CCDC73: variants seen among roughly 807,000 people sequenced by gnomAD.
CCDC73 encodes coiled-coil domain containing 73, also known as coiled-coil domain-containing protein 73.
Under a neutral mutation model 116.5 loss-of-function variants are expected in CCDC73, and 95 were observed. That is an observed-to-expected ratio of 0.82 (90% CI 0.69 to 0.97). The LOEUF is 0.97. Ranked by LOEUF, CCDC73 falls within the 50% of genes least tolerant of loss-of-function variation. The pLI is 0.00. For synonymous variants in CCDC73, 398 were observed against 401.3 expected (o/e 0.99, Z 0.10); for missense variants, 1,066 against 1,206.8 (o/e 0.88, Z 1.73).
At position 32,698,010 on chromosome 11, in the gene CCDC73, A is replaced by ATTTTTTTTTTTTTTTTTTTTTTTTTTT. The variant is rs1849771437; in HGVS notation, c.390+1240_390+1241insAAAAAAAAAAAAAAAAAAAAAAAAAAA. Among the ~76,000 whole-genome samples, 2 of 117,758 alleles carry ATTTTTTTTTTTTTTTTTTTTTTTTTTT rather than the reference A, an allele frequency of 1.7e-5. 1 individual carries two copies. 77.3% of individuals were successfully genotyped at this position (117,758 alleles called of 152,430 possible). On this transcript the variant is annotated intron_variant, in intron 6 of 17. Transcript: ENST00000335185. Reference sequence around the variant, plus strand: ...TCTGTTGTTTCTTTGTCTAACACTGAATTTTTTTTTTTTTTTTTTTTTTTT... The same window carrying ATTTTTTTTTTTTTTTTTTTTTTTTTTT: ...TCTGTTGTTTCTTTGTCTAACACTGATTTTTTTTTTTTTTTTTTTTTTTTTTTATTTTTTTTTTTTTTTTTTTTTTTT...
At chr11:32,792,353 T>C (rs1850683915) in intron 1 of CCDC73, among the ~76,000 whole-genome samples, 1 of 152,294 alleles carries the variant, frequency 6.6e-6, no homozygotes, top group South Asian at 2.1e-4. Context: ...TATTGACTCA[T>C]GTGTAAGTAT....
At chr11:32,734,255 A>G (rs1850106360) in intron 2 of CCDC73, among the ~76,000 whole-genome samples, 2 of 152,046 alleles carry the variant, frequency 1.3e-5, no homozygotes, top group East Asian at 1.9e-4. Flanking sequence ...CCAATAACAG[A>G]TTCTGAAATT....
chr11:32,722,048 G>A (rs748320324), intron 2 of CCDC73, among the ~76,000 whole-genome samples: 2 of 152,066 alleles, frequency 1.3e-5, no homozygotes, highest in African/African-American at 4.8e-5. Flanking sequence ...GCTCACAATG[G>A]CTTATGGGAG....
intron 9 of CCDC73, among the ~76,000 whole-genome samples, chr11:32,659,477 C>T (rs1287057071): frequency 6.6e-6 from 1 of 152,114 alleles, no homozygotes; most frequent in Non-Finnish European, 1.5e-5. Context: ...TCTATCCTTA[C>T]AGAGTTTTGG....
chr11:32,711,223 A>G (rs1379842174), intron 3 of CCDC73, among the ~76,000 whole-genome samples: 1 of 152,024 alleles, frequency 6.6e-6, no homozygotes, highest in East Asian at 1.9e-4. Flanking sequence ...ACAATGGAAA[A>G]TAGTGTGGAG....
chr11:32,663,357 T>C (rs1353086026), intron 9 of CCDC73, among the ~76,000 whole-genome samples: 3 of 152,236 alleles, frequency 2.0e-5, no homozygotes, highest in Admixed American at 6.5e-5. Context: ...TTTTATTTCA[T>C]TGAGCAGTGG....
intron 6 of CCDC73, among the ~76,000 whole-genome samples, chr11:32,696,086 G>A (rs528513477): frequency 1.8e-4 from 28 of 152,108 alleles, no homozygotes; most frequent in African/African-American, 6.3e-4. Flanking sequence ...TAGTAAACTT[G>A]GACCTTTATT....
rs894124608 is a variant in CCDC73, at chr11:32,624,011, C to T, written c.1186-7882G>A. Reference sequence around the variant, plus strand: ...GGACTATAAACTGGTACAACATTTCCGGAAAGCAATCTGACAATATGTGTC... The same window carrying T: ...GGACTATAAACTGGTACAACATTTCTGGAAAGCAATCTGACAATATGTGTC... On this transcript the variant is annotated intron_variant, in intron 14 of 17. Coordinates refer to ENST00000335185, the MANE Select transcript of CCDC73 (RefSeq NM_001008391.4). Among the ~76,000 whole-genome samples, 9 of 152,058 alleles carry T rather than the reference C, an allele frequency of 5.9e-5. No homozygotes were observed. In the South Asian group the frequency reaches 8.3e-4, roughly 14 times the overall value.
intron 13 of CCDC73, among the ~76,000 whole-genome samples, chr11:32,637,833 T>G (rs914219942): frequency 1.3e-5 from 2 of 152,230 alleles, no homozygotes; most frequent in African/African-American, 4.8e-5. Flanking sequence ...TAATAAATCT[T>G]AAATCTATAT....
At chr11:32,604,398 A>G (rs959032477) in intron 17 of CCDC73, 1 of 152,222 alleles carries the variant, frequency 6.6e-6, no homozygotes, top group East Asian at 1.9e-4. Context: ...GGAGTGAGCC[A>G]TACTGTGTTG....
intron 9 of CCDC73, among the ~76,000 whole-genome samples, chr11:32,660,229 CAAAAAAAAAAAAA>C (rs11310092): frequency 8.7e-4 from 58 of 66,512 alleles, no homozygotes; most frequent in African/African-American, 3.1e-3. Flanking sequence ...TTCTCTCTAC[CAAAAAAAAAAAAA>C]AAAAAAAAAA....
chr11:32,673,974 G>A (rs1377913461), intron 9 of CCDC73, among the ~76,000 whole-genome samples: 1 of 152,130 alleles, frequency 6.6e-6, no homozygotes, highest in Non-Finnish European at 1.5e-5. Context: ...CCAGCCTGAA[G>A]TTATCTCAGA....
intron 9 of CCDC73, among the ~76,000 whole-genome samples, chr11:32,663,307 T>C (rs1415015243): frequency 3.3e-5 from 5 of 152,336 alleles, no homozygotes; most frequent in African/African-American, 9.6e-5. Flanking sequence ...ATTCTTCCTA[T>C]CCATGAGCAT....
At chr11:32,772,020 C>G (rs1850495747) in intron 1 of CCDC73, among the ~76,000 whole-genome samples, 1 of 152,140 alleles carries the variant, frequency 6.6e-6, no homozygotes, top group Admixed American at 6.6e-5. Flanking sequence ...TGGGGCTAAC[C>G]CCCACAACAA....
chr11:32,604,347 G>A (rs965506714), intron 17 of CCDC73: 1 of 152,186 alleles, frequency 6.6e-6, no homozygotes, highest in Non-Finnish European at 1.5e-5. Flanking sequence ...TTGGGCTCAA[G>A]TGATCTGACC....
intron 14 of CCDC73, among the ~76,000 whole-genome samples, chr11:32,628,299 C>G (rs1855595478): frequency 6.6e-6 from 1 of 152,182 alleles, no homozygotes; most frequent in East Asian, 1.9e-4. Flanking sequence ...AAAAGATGGT[C>G]TGAGTTGGGA....
At chr11:32,716,074 T>C (rs1848528361) in intron 3 of CCDC73, among the ~76,000 whole-genome samples, 1 of 152,128 alleles carries the variant, frequency 6.6e-6, no homozygotes, top group South Asian at 2.1e-4. Flanking sequence ...TCTGTAAAAG[T>C]AGTGTTTTCA....
At chr11:32,806,516 C>T in the CCDC73 span, among the ~76,000 whole-genome samples, 21 of 150,672 alleles carry the variant, frequency 1.4e-4, no homozygotes, top group African/African-American at 3.7e-4. Flanking sequence ...CCCAGCTACT[C>T]GGGAGGCTGA....
chr11:32,678,612 A>T (rs1468284841), intron 7 of CCDC73, among the ~76,000 whole-genome samples: 1 of 152,122 alleles, frequency 6.6e-6, no homozygotes, highest in Non-Finnish European at 1.5e-5. Context: ...GGGCTGGGTC[A>T]TGGTGGCTCA....
Sources: gnomAD v4.1 joint callset for allele counts (sites outside exome capture counted in the v4.1 genomes callset) on GRCh38, gnomAD v4.1.1 for gene constraint, MANE v1.5 for transcripts, NCBI Gene and HGNC (gene_info 2026-07-23, HGNC 2026-07-21) for gene names.